Variants in LARGE1 observed in about 807,000 individuals in gnomAD.
The protein encoded by LARGE1 is LARGE xylosyl- and glucuronyltransferase 1, also known as xylosyl- and glucuronyltransferase LARGE1.
LARGE1 carries 43 observed loss-of-function variants against 87.6 expected under a neutral mutation model. The ratio of observed to expected loss-of-function variants is 0.49; its 90% CI spans 0.38 to 0.63. LARGE1 has a LOEUF of 0.63. LARGE1 is among the 30% of genes least tolerant of loss of function. The pLI, the probability that LARGE1 is intolerant of heterozygous loss-of-function variation, is 0.00. For synonymous variants in LARGE1, 434 were observed against 394.6 expected, an observed-to-expected ratio of 1.10 and a Z score of -1.18; for missense variants, 802 against 1,000.2, an observed-to-expected ratio of 0.80 and a Z score of 2.67.
chr22:33,335,201 A>G (rs769566587), intron 10 of LARGE1, among the ~76,000 whole-genome samples: 2 of 152,256 alleles, frequency 1.3e-5, no homozygotes, highest in African/African-American at 4.8e-5. Context: ...ATGATGATAC[A>G]TACTGATGTG....
intron 3 of LARGE1, among the ~76,000 whole-genome samples, chr22:33,646,527 CA>C (rs55781518): frequency 1 from 152,102 of 152,102 alleles, 76,051 homozygotes; most frequent in Non-Finnish European, 1. Context: ...TACTGTAAAC[CA>C]ACCATGGCAC....
chr22:33,211,637 G>A (rs922274685), intron 11 of LARGE1, among the ~76,000 whole-genome samples: 1 of 152,124 alleles, frequency 6.6e-6, no homozygotes, highest in Non-Finnish European at 1.5e-5. Flanking sequence ...GCCGGGCGTG[G>A]TGGCACACAC....
intron 2 of LARGE1, among the ~76,000 whole-genome samples, chr22:33,672,144 C>A (rs1018104969): frequency 1.3e-5 from 2 of 152,022 alleles, no homozygotes; most frequent in South Asian, 2.1e-4. Context: ...AGAAGACCTA[C>A]GAAGAGAGAT....
chr22:33,674,549 C>T (rs2081508391), intron 2 of LARGE1, among the ~76,000 whole-genome samples: 1 of 152,188 alleles, frequency 6.6e-6, no homozygotes, highest in Admixed American at 6.5e-5. Context: ...GCATGCTCAG[C>T]CGACAGTGAC....
At chr22:33,248,784 C>T (rs1926886041) in intron 11 of LARGE1, among the ~76,000 whole-genome samples, 1 of 152,180 alleles carries the variant, frequency 6.6e-6, no homozygotes, top group African/African-American at 2.4e-5. Flanking sequence ...TCCAGAATGC[C>T]ATATAGTTGG....
intron 2 of LARGE1, among the ~76,000 whole-genome samples, chr22:33,678,817 C>T (rs929978724): frequency 6.6e-6 from 1 of 152,168 alleles, no homozygotes; most frequent in Non-Finnish European, 1.5e-5. Context: ...TTTTGCCATG[C>T]GATGGTCAAG....
intron 9 of LARGE1, among the ~76,000 whole-genome samples, chr22:33,343,093 T>C (rs972539536): frequency 2.0e-5 from 3 of 152,228 alleles, no homozygotes; most frequent in Admixed American, 6.5e-5. Flanking sequence ...ATACCCATTA[T>C]ATGCTAGACA....
intron 11 of LARGE1, among the ~76,000 whole-genome samples, chr22:33,207,643 C>T (rs748088927): frequency 5.3e-5 from 8 of 152,144 alleles, no homozygotes; most frequent in Admixed American, 6.6e-5. Flanking sequence ...AGAGTGAGAG[C>T]GTCGGCGACC....
intron 12 of LARGE1, among the ~76,000 whole-genome samples, chr22:33,296,459 G>A (rs908048519): frequency 2.6e-5 from 4 of 152,102 alleles, no homozygotes; most frequent in South Asian, 2.1e-4. Flanking sequence ...TGGCCATCAC[G>A]ATGAAGATAA....
At chr22:33,204,222 G>A (rs916354614) in intron 11 of LARGE1, among the ~76,000 whole-genome samples, 2 of 152,106 alleles carry the variant, frequency 1.3e-5, no homozygotes, top group African/African-American at 2.4e-5. Flanking sequence ...GGCTGAAAAC[G>A]GATAGGGAGT....
At chr22:33,565,889 G>A (rs545269388) in intron 5 of LARGE1, among the ~76,000 whole-genome samples, 1 of 152,216 alleles carries the variant, frequency 6.6e-6, no homozygotes, top group Non-Finnish European at 1.5e-5. Context: ...AAGCACCAGT[G>A]TGATGAAAGC....
At chr22:33,382,950 G>C (rs1056567711) in intron 8 of LARGE1, among the ~76,000 whole-genome samples, 18 of 152,144 alleles carry the variant, frequency 1.2e-4, no homozygotes, top group African/African-American at 4.3e-4. Context: ...GGGAAATACT[G>C]AATAATAATA....
Position 33,464,871 on chromosome 22 carries a change from CTGCACACACA to C in LARGE1, c.788-32616_788-32607del, listed in dbSNP as rs1042705870. 4.0e-4 allele frequency among the ~76,000 whole-genome samples: 55 copies of C among 138,576 alleles called. 1 individual carries two copies. In the East Asian group the frequency reaches 7.3e-3, roughly 18 times the overall value. 90.9% of individuals were successfully genotyped at this position (138,576 alleles called of 152,430 possible). A position where few individuals can be genotyped will look rare whatever the true frequency, so the allele number is the denominator to read the frequency against. On this transcript the variant is annotated intron_variant, in intron 6 of 14. Coordinates refer to ENST00000397394, the MANE Select transcript of LARGE1 (RefSeq NM_133642.5). ...CACATACACACACACTACACACACACTGCACACACATGCACACACATACACACACACACAC... is the reference window on the plus strand; with the variant it reads ...CACATACACACACACTACACACACACTGCACACACATACACACACACACAC...
intron 1 of LARGE1, among the ~76,000 whole-genome samples, chr22:33,845,344 T>C (rs1438392973): frequency 2.6e-5 from 4 of 152,182 alleles, no homozygotes; most frequent in African/African-American, 9.7e-5. Context: ...GTTTCACTCT[T>C]GTTGCCCAGG....
At chr22:33,277,316 G>A in intron 13 of LARGE1, 61 bp from the exon 14 acceptor site, 1 of 1,503,038 alleles carries the variant, frequency 6.7e-7, no homozygotes, top group African/African-American at 1.4e-5. Context: ...TCCAAATGCA[G>A]CCGATGTGGA....
intron 1 of LARGE1, among the ~76,000 whole-genome samples, chr22:33,793,012 C>CCAGAGGA (rs2145998740): frequency 6.6e-6 from 1 of 152,316 alleles, no homozygotes; most frequent in East Asian, 1.9e-4. Context: ...GCGAAAGCTG[C>CCAGAGGA]TGAGCGTGCC....
intron 6 of LARGE1, among the ~76,000 whole-genome samples, chr22:33,520,266 G>A (rs1319110581): frequency 6.6e-6 from 1 of 152,016 alleles, no homozygotes; most frequent in Non-Finnish European, 1.5e-5. Flanking sequence ...TACTGATGGG[G>A]GGTCTCACTA....
In LARGE1 at chr22:33,827,808, C is replaced by G. The variant is rs563889220; in HGVS notation, c.-82-66250G>C. 2.6e-5 allele frequency among the ~76,000 whole-genome samples: 4 copies of G among 152,290 alleles called. No homozygotes were observed. The South Asian group carries it at 8.3e-4, about 32-fold the overall frequency. ...TCACTGTCACCTGGAGAGCTTTGTT[C>G]AAACAGATTGCTGCCCTCCCCTCAA... On this transcript the variant is annotated intron_variant, in intron 1 of 14. Transcript: ENST00000397394.
chr22:33,286,798 G>A (rs1173652833), intron 12 of LARGE1, among the ~76,000 whole-genome samples: 2 of 152,208 alleles, frequency 1.3e-5, no homozygotes, highest in African/African-American at 4.8e-5. Context: ...TAAGGATCAA[G>A]TTACTATTAT....
Sources: gnomAD v4.1 joint callset for allele counts (sites outside exome capture counted in the v4.1 genomes callset) on GRCh38, gnomAD v4.1.1 for gene constraint, MANE v1.5 for transcripts, NCBI Gene and HGNC (gene_info 2026-07-23, HGNC 2026-07-21) for gene names.